CPNE4: variants seen among roughly 807,000 people sequenced by gnomAD.
The protein encoded by CPNE4 is copine-4.
In CPNE4, 25 loss-of-function variants were observed where a neutral mutation model predicts 67.9. That is an observed-to-expected ratio of 0.37 (90% CI 0.27 to 0.51). The LOEUF (loss-of-function observed/expected upper bound fraction) is 0.51. Among genes scored for constraint, CPNE4 ranks in the 20% least tolerant of loss-of-function variants. The pLI is 0.93. For synonymous variants in CPNE4, 242 were observed against 244.9 expected, an observed-to-expected ratio of 0.99 and a Z score of 0.11; for missense variants, 464 against 690.8, an observed-to-expected ratio of 0.67 and a Z score of 3.68.
intron 2 of CPNE4, among the ~76,000 whole-genome samples, chr3:131,780,621 G>A (rs2083408074): frequency 6.6e-6 from 1 of 152,014 alleles, no homozygotes; most frequent in African/African-American, 2.4e-5. Context: ...TAAACACTGA[G>A]AACACACAGA....
intron 14 of CPNE4, among the ~76,000 whole-genome samples, chr3:131,545,993 CAG>C (rs1192786145): frequency 2.6e-5 from 4 of 152,070 alleles, no homozygotes; most frequent in African/African-American, 4.8e-5. Context: ...ACTAGGGAGT[CAG>C]AGGTTGCAGT....
At chr3:131,900,956 T>C (rs1049081319) in intron 2 of CPNE4, among the ~76,000 whole-genome samples, 2 of 152,090 alleles carry the variant, frequency 1.3e-5, no homozygotes, top group Admixed American at 1.3e-4. Context: ...TCAATGATTG[T>C]GTATTAAAAT....
chr3:131,999,573 T>C (rs2073376610), intron 1 of CPNE4, among the ~76,000 whole-genome samples: 1 of 152,062 alleles, frequency 6.6e-6, no homozygotes, highest in South Asian at 2.1e-4. Context: ...TATACTGATA[T>C]AATTAAGGAG....
intron 2 of CPNE4, among the ~76,000 whole-genome samples, chr3:131,867,640 A>AT (rs1434878801): frequency 6.6e-6 from 1 of 152,152 alleles, no homozygotes; most frequent in African/African-American, 2.4e-5. Context: ...TAGTTTAATT[A>AT]TCCCTCATAC....
intron 2 of CPNE4, among the ~76,000 whole-genome samples, chr3:131,875,148 T>C (rs964572153): frequency 8.5e-5 from 13 of 152,304 alleles, no homozygotes; most frequent in African/African-American, 3.1e-4. Context: ...AATTTTAAAC[T>C]CTGAAATCCA....
At chr3:131,555,777 C>T in intron 11 of CPNE4, among the ~76,000 whole-genome samples, 1 of 151,996 alleles carries the variant, frequency 6.6e-6, no homozygotes, top group East Asian at 1.9e-4. Flanking sequence ...CTACAACTTC[C>T]TCCCTTAATT....
intron 2 of CPNE4, among the ~76,000 whole-genome samples, chr3:131,744,379 T>C (rs1185130629): frequency 1.3e-5 from 1 of 78,280 alleles, no homozygotes; most frequent in Non-Finnish European, 3.0e-5. Context: ...TAGTGAAACT[T>C]TTTATTTTGT....
chr3:131,941,195 A>G (rs1479025897), intron 1 of CPNE4, among the ~76,000 whole-genome samples: 1 of 152,112 alleles, frequency 6.6e-6, no homozygotes, highest in African/African-American at 2.4e-5. Context: ...AAATACAACC[A>G]TTAATAATAC....
At chr3:131,777,008 C>T (rs969657453) in intron 2 of CPNE4, among the ~76,000 whole-genome samples, 5 of 152,068 alleles carry the variant, frequency 3.3e-5, no homozygotes, top group African/African-American at 1.2e-4. Flanking sequence ...CTAGTGGCTG[C>T]TGTATTTTCA....
At chr3:131,764,736 C>G (rs2082967696) in intron 2 of CPNE4, among the ~76,000 whole-genome samples, 1 of 152,084 alleles carries the variant, frequency 6.6e-6, no homozygotes, top group South Asian at 2.1e-4. Context: ...GTCCATTTAG[C>G]AAGAAATATA....
At position 132,034,614 on chromosome 3, in the gene CPNE4, G is replaced by C. The variant is rs182396447; in HGVS notation, c.-49C>G. ...GTGGAGAGAGAATTCAGCCCGGGAC[G>C]AGGTCTGTCCCGCCCCCAGGATGCA... On this transcript the variant is annotated 5_prime_UTR_variant, in exon 1 of 16. Coordinates refer to ENST00000429747, the MANE Select transcript of CPNE4 (RefSeq NM_130808.3). 9 of 985,482 alleles carry C rather than the reference G, an allele frequency of 9.1e-6. No individual in the cohort carries two copies. The East Asian group carries it at 1.0e-3, about 112-fold the overall frequency. 61.0% of individuals were successfully genotyped at this position (985,482 alleles called of 1,614,324 possible).
At chr3:131,750,447 T>A (rs1310325837) in intron 2 of CPNE4, among the ~76,000 whole-genome samples, 1 of 152,100 alleles carries the variant, frequency 6.6e-6, no homozygotes, top group Non-Finnish European at 1.5e-5. Flanking sequence ...TTATGTAGCG[T>A]TTTTTAGTGC....
chr3:131,687,471 C>T (rs1377147504), intron 5 of CPNE4, among the ~76,000 whole-genome samples: 1 of 152,184 alleles, frequency 6.6e-6, no homozygotes, highest in Non-Finnish European at 1.5e-5. Context: ...ATCACCATCA[C>T]ATTTTTATTA....
chr3:131,846,952 C>T (rs1371371875), intron 2 of CPNE4, among the ~76,000 whole-genome samples: 1 of 152,166 alleles, frequency 6.6e-6, no homozygotes, highest in African/African-American at 2.4e-5. Context: ...TCTGAAGTCA[C>T]ATAGTATCAC....
intron 2 of CPNE4, among the ~76,000 whole-genome samples, chr3:131,888,992 A>C (rs570959565): frequency 6.6e-6 from 1 of 152,326 alleles, no homozygotes; most frequent in African/African-American, 2.4e-5. Context: ...ATTATCTGAT[A>C]ATGTCTTTTA....
intron 1 of CPNE4, among the ~76,000 whole-genome samples, chr3:131,980,768 G>A (rs1391355833): frequency 6.6e-6 from 1 of 152,090 alleles, no homozygotes; most frequent in Non-Finnish European, 1.5e-5. Context: ...GTGTTCATGA[G>A]TCTTGTTTTG....
At chr3:131,790,972 T>A (rs2083704080) in intron 2 of CPNE4, among the ~76,000 whole-genome samples, 1 of 152,170 alleles carries the variant, frequency 6.6e-6, no homozygotes, top group South Asian at 2.1e-4. Flanking sequence ...TAACTCAAAG[T>A]GTTAAAGATT....
At chr3:131,995,842 T>C (rs1446494613) in intron 1 of CPNE4, among the ~76,000 whole-genome samples, 1 of 152,182 alleles carries the variant, frequency 6.6e-6, no homozygotes, top group East Asian at 1.9e-4. Context: ...AACCAGATGA[T>C]TTCTAACAAA....
chr3:131,563,604 A>G (rs148324997), intron 11 of CPNE4, among the ~76,000 whole-genome samples: 1 of 152,022 alleles, frequency 6.6e-6, no homozygotes, highest in South Asian at 2.1e-4. Flanking sequence ...GGCTACATAC[A>G]TGTGCCACAC....
Sources: gnomAD v4.1 joint callset for allele counts (sites outside exome capture counted in the v4.1 genomes callset) on GRCh38, gnomAD v4.1.1 for gene constraint, MANE v1.5 for transcripts, NCBI Gene and HGNC (gene_info 2026-07-23, HGNC 2026-07-21) for gene names.